CFAP53: variants seen among roughly 807,000 people sequenced by gnomAD.
CFAP53 encodes cilia- and flagella-associated protein 53.
In CFAP53, 62 loss-of-function variants were observed where a neutral mutation model predicts 59.7. That is an observed-to-expected ratio of 1.04 (90% CI 0.85 to 1.28). The LOEUF is 1.28. Among genes scored for constraint, CFAP53 ranks in the 50% most tolerant of loss-of-function variants. The pLI, the probability that CFAP53 is intolerant of heterozygous loss-of-function variation, is 0.00. For synonymous variants in CFAP53, 218 were observed against 205.7 expected (o/e 1.06, Z -0.51); for missense variants, 629 against 615.6 (o/e 1.02, Z -0.23).
rs749298869 is a variant in CFAP53, at chr18:50,251,016, T to C, written c.778-40A>G. ...TAATAAAGATAATGCATCAGTACAG[T>C]TGGACAAGACAAGTTAGTGCATTTG... On this transcript the variant is annotated intron_variant, in intron 4 of 7. Transcript: ENST00000398545. 61 of 1,542,056 alleles carry C rather than the reference T, an allele frequency of 4.0e-5. 1 individual carries two copies. The highest frequency in any genetic ancestry group is 2.0e-4 in the Middle Eastern group (1 of 4,932).
At chr18:50,239,983 ATCAATATGTCAGTATGT>A (rs1568152366) in intron 6 of CFAP53, among the ~76,000 whole-genome samples, 1 of 152,252 alleles carries the variant, frequency 6.6e-6, no homozygotes, top group East Asian at 1.9e-4. Flanking sequence ...TCTTCAAAGA[ATCAATATGTCAGTATGT>A]TCAATTCTTT....
intron 5 of CFAP53, among the ~76,000 whole-genome samples, chr18:50,249,811 G>C (rs988719262): frequency 6.6e-6 from 1 of 152,180 alleles, no homozygotes; most frequent in Non-Finnish European, 1.5e-5. Flanking sequence ...TCAACATCCT[G>C]ACTGGCATGG....
intron 7 of CFAP53, among the ~76,000 whole-genome samples, chr18:50,230,907 T>C (rs1443376421): frequency 6.6e-6 from 1 of 152,208 alleles, no homozygotes; most frequent in Non-Finnish European, 1.5e-5. Flanking sequence ...TTTCCAAAGA[T>C]GGCCACAGTA....
intron 7 of CFAP53, among the ~76,000 whole-genome samples, chr18:50,234,769 A>G (rs1379328304): frequency 6.6e-6 from 1 of 152,250 alleles, no homozygotes; most frequent in African/African-American, 2.4e-5. Context: ...AGGCCATCAG[A>G]AGAAAGGAAA....
intron 7 of CFAP53, among the ~76,000 whole-genome samples, chr18:50,228,793 AAAAC>A (rs1284085783): frequency 1.3e-5 from 2 of 152,134 alleles, no homozygotes; most frequent in African/African-American, 2.4e-5. Flanking sequence ...CTCCATCTCA[AAAAC>A]AAACAAACAA....
intron 7 of CFAP53, 133 bp from the exon 8 acceptor site, chr18:50,227,742 A>G (rs1306398240): frequency 1.5e-6 from 1 of 666,054 alleles, no homozygotes; most frequent in Non-Finnish European, 2.6e-6. Context: ...TGGAGAAGAA[A>G]TAGATGAAAA....
At chr18:50,239,186 G>A (rs183364417) in intron 6 of CFAP53, among the ~76,000 whole-genome samples, 142 of 151,734 alleles carry the variant, frequency 9.4e-4, no homozygotes, top group African/African-American at 3.1e-3. Flanking sequence ...TCAGGAGTTC[G>A]AGACCAGCCC....
chr18:50,237,329 A>AAAAAAATATAT (rs1555671378), intron 7 of CFAP53, among the ~76,000 whole-genome samples: 4 of 6,348 alleles, frequency 6.3e-4, no homozygotes, highest in African/African-American at 1.1e-3. Flanking sequence ...AAAAAAAAAA[A>AAAAAAATATAT]ATATATATAT....
rs758737866 is a variant in CFAP53, at chr18:50,266,430, C to A, written c.-26G>T. On this transcript the variant is annotated 5_prime_UTR_variant, in exon 1 of 8. Transcript: ENST00000398545. ...TTTCGAGTCCCCTTCGGGACGGGGG[C>A]GGCGTCCGCCGCGTTTCCCCCAACC... 12 of 1,612,118 alleles carry A rather than the reference C, an allele frequency of 7.4e-6. No homozygotes were observed. Among genetic ancestry groups the A allele is most frequent in the Non-Finnish European group, 1.0e-5 (12 of 1,178,118 alleles).
rs764277292 is a variant in CFAP53 at position 50,242,952 on chromosome 18, T to C, written c.1161A>G (p.Arg387=). Residue 387 remains arginine, a synonymous_variant, in exon 6 of 8, where the codon AGA becomes AGG. Transcript: ENST00000398545. The stretch of plus-strand genomic sequence containing the variant: ...TACACATGACCTCATCCACAAGCTG[T>C]CTCCTTGCCTCCTTTTCAAGTCTCA... ...KELRLEKEAR[R]QLVDEVMCTR... The C allele has an allele frequency of 6.2e-7, 1 of 1,614,062 alleles. No homozygotes were observed. The highest frequency in any genetic ancestry group is 8.5e-7 in the Non-Finnish European group (1 of 1,180,026).
At chr18:50,266,252 G>A in intron 1 of CFAP53, 84 bp downstream of exon 1, 1 of 1,315,012 alleles carries the variant, frequency 7.6e-7, no homozygotes, top group Non-Finnish European at 1.1e-6. Flanking sequence ...GGCCCCGGGT[G>A]GGGGCCGAAG....
chr18:50,250,246 G>A (rs1294316783), intron 5 of CFAP53, among the ~76,000 whole-genome samples: 8 of 150,110 alleles, frequency 5.3e-5, no homozygotes, highest in Admixed American at 4.0e-4. Context: ...AAGAGAGAGA[G>A]AGAGAGAAGT....
In CFAP53 at chr18:50,263,798, G is replaced by C. The variant is rs191527754; in HGVS notation, c.70-1579C>G. Among the ~76,000 whole-genome samples, 44 of 152,254 alleles carry C rather than the reference G, an allele frequency of 2.9e-4. 1 individual carries two copies. The East Asian group carries it at 7.7e-3, about 27-fold the overall frequency. ...TGTCAGGACAGGAAACAGGGCTGAG[G>C]GATATTTTGGCTGAAGAGGTGACAA... is the stretch of plus-strand genomic sequence containing the variant. On this transcript the variant is annotated intron_variant, in intron 1 of 7. Coordinates refer to ENST00000398545, the MANE Select transcript of CFAP53 (RefSeq NM_145020.5).
chr18:50,236,940 A>T (rs1049387843), intron 7 of CFAP53, among the ~76,000 whole-genome samples: 4 of 152,010 alleles, frequency 2.6e-5, no homozygotes, highest in African/African-American at 9.7e-5. Context: ...CTCTCCACCA[A>T]TTCAGAAGTT....
intron 5 of CFAP53, among the ~76,000 whole-genome samples, 193 bp from the exon 6 acceptor site, chr18:50,243,309 G>A (rs1031051118): frequency 3.9e-5 from 6 of 152,200 alleles, no homozygotes; most frequent in African/African-American, 1.4e-4. Context: ...GGATATAGAA[G>A]AGACAAGAAT....
chr18:50,261,252 CAAAAAAAAA>C lies in CFAP53; in HGVS notation c.300-24_300-16del, dbSNP rs71169499. The C allele has an allele frequency of 9.0e-6, 11 of 1,215,708 alleles. No individual in the cohort carries two copies. In the Admixed American group the frequency reaches 1.4e-4, roughly 15 times the overall value. 75.3% of individuals were successfully genotyped at this position (1,215,708 alleles called of 1,614,324 possible). ...GCTCACGTAGCCTGAAACAAAAAGC[CAAAAAAAAA>C]AAAAAAAAAAGAAAACTGTCATGCT... On this transcript the variant is annotated splice_polypyrimidine_tract_variant and intron_variant, in intron 2 of 7. Transcript: ENST00000398545.
intron 1 of CFAP53, among the ~76,000 whole-genome samples, chr18:50,263,816 G>A (rs2033915058): frequency 6.6e-6 from 1 of 152,154 alleles, no homozygotes; most frequent in Non-Finnish European, 1.5e-5. Context: ...TGGCTGAAGA[G>A]GTGACAAATA....
chr18:50,239,642 A>T (rs915204441), intron 6 of CFAP53, among the ~76,000 whole-genome samples: 1 of 152,222 alleles, frequency 6.6e-6, no homozygotes, highest in Non-Finnish European at 1.5e-5. Context: ...TTTAAGTAAA[A>T]TAAGTTACGG....
chr18:50,262,104 A>G lies in CFAP53; in HGVS notation c.185T>C (p.Leu62Ser), dbSNP rs1012075595. The change falls in exon 2 of 8, where the codon TTG (leucine) becomes TCG (serine). Residue 62 changes from leucine to serine, a missense_variant. Transcript: ENST00000398545. ...ATTGTGCTGGTCCCACTCAGCTTTC[A>G]AGCGATCCCGCTCACTTGACTTAAT... is the stretch of plus-strand genomic sequence containing the variant. ...ASIKSSERDR[L>S]KAEWDQHNDC... is the part of the protein sequence containing the mutation. 6.2e-7 allele frequency: 1 copy of G among 1,614,194 alleles called. No individual in the cohort carries two copies. The highest frequency in any genetic ancestry group is 8.5e-7 in the Non-Finnish European group (1 of 1,180,050).
Sources: gnomAD v4.1 joint callset for allele counts (sites outside exome capture counted in the v4.1 genomes callset) on GRCh38, gnomAD v4.1.1 for gene constraint, MANE v1.5 for transcripts, NCBI Gene and HGNC (gene_info 2026-07-23, HGNC 2026-07-21) for gene names.